The following FHIT variants were observed in gnomAD, a reference collection of about 807,000 sequenced individuals.
FHIT encodes fragile histidine triad diadenosine triphosphatase.
A neutral mutation model predicts 17.9 loss-of-function variants in FHIT; 19 were observed. The observed-to-expected ratio is 1.06, with a 90% confidence interval of 0.74 to 1.56. The LOEUF (loss-of-function observed/expected upper bound fraction) is 1.56. Among genes scored for constraint, FHIT ranks in the 40% most tolerant of loss-of-function variants. The pLI is 0.00. For synonymous variants in FHIT, 81 were observed against 69.7 expected, an observed-to-expected ratio of 1.16 and a Z score of -0.81; for missense variants, 248 against 189.2, an observed-to-expected ratio of 1.31 and a Z score of -1.82.
At chr3:60,601,442 T>C (rs1467826474) in intron 4 of FHIT, among the ~76,000 whole-genome samples, 1 of 152,174 alleles carries the variant, frequency 6.6e-6, no homozygotes, top group Non-Finnish European at 1.5e-5. Flanking sequence ...CAGTCATCTT[T>C]AGAAAAGTAT....
At chr3:60,195,589 A>ATATATTTATATT (rs1702601652) in intron 5 of FHIT, among the ~76,000 whole-genome samples, 3 of 83,016 alleles carry the variant, frequency 3.6e-5, no homozygotes, top group Non-Finnish European at 6.9e-5. Context: ...ATTTATATTT[A>ATATATTTATATT]TATATAATTA....
intron 5 of FHIT, among the ~76,000 whole-genome samples, chr3:60,067,846 G>A (rs2736808): frequency 0.33 from 50,439 of 151,704 alleles, 9,625 homozygotes; most frequent in African/African-American, 0.53. Flanking sequence ...GGTGGGTTCA[G>A]ACTAACAGTT....
intron 2 of FHIT, among the ~76,000 whole-genome samples, chr3:61,167,805 C>A (rs2037886303): frequency 6.6e-6 from 1 of 152,088 alleles, no homozygotes; most frequent in Non-Finnish European, 1.5e-5. Context: ...GAGGCCCAAG[C>A]ACAGGGTTTT....
At chr3:60,032,390 T>C (rs1413179904) in intron 5 of FHIT, among the ~76,000 whole-genome samples, 1 of 151,972 alleles carries the variant, frequency 6.6e-6, no homozygotes, top group African/African-American at 2.4e-5. Context: ...AGTTCAAAGT[T>C]GCAGTAAGCT....
At chr3:60,821,323 A>G (rs1701923589) in intron 4 of FHIT, among the ~76,000 whole-genome samples, 2 of 152,136 alleles carry the variant, frequency 1.3e-5, no homozygotes, top group Non-Finnish European at 2.9e-5. Flanking sequence ...ATGCATACAG[A>G]TAAGTGATTA....
At chr3:60,588,878 A>T (rs2037990771) in intron 4 of FHIT, among the ~76,000 whole-genome samples, 1 of 152,042 alleles carries the variant, frequency 6.6e-6, no homozygotes, top group Non-Finnish European at 1.5e-5. Context: ...TGTGTTGCTT[A>T]TGGAAGTCAG....
intron 8 of FHIT, among the ~76,000 whole-genome samples, chr3:59,901,037 C>T (rs973079050): frequency 6.6e-6 from 1 of 152,166 alleles, no homozygotes; most frequent in Non-Finnish European, 1.5e-5. Context: ...ACTGTTTTGT[C>T]TGTTAACGTA....
chr3:60,118,379 A>T (rs1266916248), intron 5 of FHIT, among the ~76,000 whole-genome samples: 1 of 150,346 alleles, frequency 6.7e-6, no homozygotes, highest in Non-Finnish European at 1.5e-5. Flanking sequence ...AAGCGCTGGG[A>T]TTATACGTGT....
intron 5 of FHIT, among the ~76,000 whole-genome samples, chr3:60,222,162 G>A (rs1703993092): frequency 6.6e-6 from 1 of 152,076 alleles, no homozygotes; most frequent in African/African-American, 2.4e-5. Context: ...TCAACTCTTT[G>A]AAATTCCATC....
At chr3:60,485,163 G>C (rs2033782164) in intron 5 of FHIT, among the ~76,000 whole-genome samples, 1 of 152,204 alleles carries the variant, frequency 6.6e-6, no homozygotes, top group South Asian at 2.1e-4. Context: ...ACAGATGCTG[G>C]TGAGGCTGTG....
intron 4 of FHIT, among the ~76,000 whole-genome samples, chr3:60,800,101 A>G (rs115452054): frequency 0.015 from 2,251 of 151,984 alleles, 65 homozygotes; most frequent in African/African-American, 0.05. Context: ...TCCCCCAACT[A>G]ATGATTTTCA....
chr3:59,766,788 T>G (rs982017405), intron 8 of FHIT, among the ~76,000 whole-genome samples: 1 of 152,164 alleles, frequency 6.6e-6, no homozygotes, highest in Non-Finnish European at 1.5e-5. Context: ...CTGATTGCTA[T>G]TTGGGTAGGA....
chr3:60,561,940 GAGAGAAAC>G (rs1048720759), intron 4 of FHIT, among the ~76,000 whole-genome samples: 16 of 146,080 alleles, frequency 1.1e-4, no homozygotes, highest in Non-Finnish European at 1.4e-4. Flanking sequence ...AAAAGAGAAA[GAGAGAAAC>G]AGAGAGAGAG....
intron 2 of FHIT, among the ~76,000 whole-genome samples, chr3:61,063,143 C>G (rs1489279420): frequency 6.6e-6 from 1 of 151,080 alleles, no homozygotes; most frequent in African/African-American, 2.4e-5. Context: ...GTAGTCCCAG[C>G]TACTCGGGAG....
chr3:61,202,683 T>A (rs1177617699), intron 1 of FHIT, among the ~76,000 whole-genome samples: 5 of 151,176 alleles, frequency 3.3e-5, no homozygotes, highest in African/African-American at 9.7e-5. Context: ...GAGATAAAAA[T>A]AAAATCTTAA....
intron 4 of FHIT, among the ~76,000 whole-genome samples, chr3:60,558,224 A>G (rs1239913501): frequency 6.6e-6 from 1 of 152,018 alleles, no homozygotes; most frequent in Non-Finnish European, 1.5e-5. Context: ...GTTCTCTAAC[A>G]GGGAAGCATA....
chr3:60,099,084 C>T (rs1460523947), intron 5 of FHIT, among the ~76,000 whole-genome samples: 1 of 152,132 alleles, frequency 6.6e-6, no homozygotes, highest in Non-Finnish European at 1.5e-5. Context: ...CTCTTCACCC[C>T]ATCTCCCACT....
At chr3:60,145,388 G>A (rs925736785) in intron 5 of FHIT, among the ~76,000 whole-genome samples, 1 of 152,084 alleles carries the variant, frequency 6.6e-6, no homozygotes, top group African/African-American at 2.4e-5. Flanking sequence ...AGTGGCGTGG[G>A]GGGCACATAA....
At chr3:60,571,932 A>G (rs573224726) in intron 4 of FHIT, among the ~76,000 whole-genome samples, 2 of 152,312 alleles carry the variant, frequency 1.3e-5, no homozygotes, top group Non-Finnish European at 2.9e-5. Flanking sequence ...TCACCATTCA[A>G]TAAACTCAGG....
Sources: allele counts gnomAD v4.1 joint callset (sites outside exome capture counted in the v4.1 genomes callset), GRCh38; gene constraint gnomAD v4.1.1; transcripts MANE v1.5; gene names NCBI Gene and HGNC (gene_info 2026-07-23, HGNC 2026-07-21).